Variants in NUP210 observed in about 807,000 individuals in gnomAD.
NUP210 encodes the protein nuclear pore membrane glycoprotein 210.
In NUP210, 151 loss-of-function variants were observed where a neutral mutation model predicts 196.0. The ratio of observed to expected loss-of-function variants is 0.77; its 90% CI spans 0.67 to 0.88. The LOEUF (loss-of-function observed/expected upper bound fraction) is 0.88, where lower values mean the gene tolerates loss of function less well. NUP210 is among the 40% of genes least tolerant of loss of function. The pLI is 0.00. For missense variants in NUP210, 2,314 were observed against 2,493.7 expected, an observed-to-expected ratio of 0.93 and a Z score of 1.53; for synonymous variants, 1,070 against 1,052.7, an observed-to-expected ratio of 1.02 and a Z score of -0.32.
chr3:13,362,863 C>T (rs1444691310), intron 14 of NUP210, among the ~76,000 whole-genome samples: 5 of 152,192 alleles, frequency 3.3e-5, no homozygotes, highest in South Asian at 2.1e-4. Context: ...GCCTGAGCGT[C>T]ACCTCCTCAG....
In NUP210 at chr3:13,367,087, T is replaced by C. The variant is rs534724449; in HGVS notation, c.1787-996A>G. Among the ~76,000 whole-genome samples, 19 of 151,388 alleles carry C rather than the reference T, an allele frequency of 1.3e-4. 1 individual carries two copies. In the East Asian group the frequency reaches 3.2e-3, roughly 25 times the overall value. On this transcript the variant is annotated intron_variant, in intron 13 of 39. Coordinates refer to ENST00000254508, the MANE Select transcript of NUP210 (RefSeq NM_024923.4). ...GTTGCAGTGAGCCGAAATCGCACCA[T>C]TGCACTCCAGCCTGGGCAATAAGAG...
At chr3:13,392,020 G>T (rs1315843018) in intron 3 of NUP210, among the ~76,000 whole-genome samples, 2 of 152,088 alleles carry the variant, frequency 1.3e-5, no homozygotes, top group African/African-American at 4.8e-5. Flanking sequence ...GCCAGAAGCT[G>T]CTCGCCCTCT....
chr3:13,383,444 G>T (rs753156787), intron 6 of NUP210, among the ~76,000 whole-genome samples: 2 of 150,442 alleles, frequency 1.3e-5, no homozygotes, highest in Non-Finnish European at 3.0e-5. Flanking sequence ...GACCAAGCTC[G>T]TAAGTTTTCT....
rs528747389 is a variant in NUP210, at chr3:13,347,732, G to A, written c.2835+4147C>T. On this transcript the variant is annotated intron_variant, in intron 20 of 39. Coordinates refer to ENST00000254508, the MANE Select transcript of NUP210 (RefSeq NM_024923.4). The surrounding 1 kb of genome is among the most constrained non-coding windows in gnomAD (Gnocchi z 4.7). ...ATCTCTGTGCTGCTGCTCTGCAGCT[G>A]GAAAAAGCCACAGCCACGAGTAGAC... 2.6e-5 allele frequency among the ~76,000 whole-genome samples: 4 copies of A among 152,210 alleles called. No individual in the cohort carries two copies. Among genetic ancestry groups the A allele is most frequent in the Admixed American group, 6.5e-5 (1 of 15,278 alleles).
At chr3:13,363,015 T>C (rs1310336767) in intron 14 of NUP210, among the ~76,000 whole-genome samples, 3 of 152,208 alleles carry the variant, frequency 2.0e-5, no homozygotes, top group African/African-American at 4.8e-5. Context: ...GTGAAGCTAG[T>C]GTGGGACCTT....
chr3:13,407,467 A>T (rs1700038201), intron 1 of NUP210, among the ~76,000 whole-genome samples: 1 of 152,138 alleles, frequency 6.6e-6, no homozygotes, highest in Admixed American at 6.5e-5. Context: ...GCCTGAATCA[A>T]AGATTCAGGC....
rs201187298 is a variant in NUP210, at chr3:13,340,068, C to T, written c.3292-35G>A. 6.5e-3 allele frequency: 10,503 copies of T among 1,607,440 alleles called. 118 individuals carry two copies. Among genetic ancestry groups the T allele is most frequent in the South Asian group, 0.042 (3,826 of 90,684 alleles). On this transcript the variant is annotated intron_variant, in intron 24 of 39. Coordinates refer to ENST00000254508, the MANE Select transcript of NUP210 (RefSeq NM_024923.4). This position sits in a 1 kb window ranked among gnomAD's most constrained non-coding sequence, Gnocchi z 4.0. ...GAGGAAACAGCGGCGTGTCAGTGCC[C>T]GTCATGCCAGGCAGCCCGCACCTCC...
At chr3:13,338,976 G>T (rs765277598) in intron 25 of NUP210, among the ~76,000 whole-genome samples, 5 of 152,114 alleles carry the variant, frequency 3.3e-5, no homozygotes, top group Admixed American at 1.3e-4. Flanking sequence ...AGCTCCTGAG[G>T]CTGCACTCCT....
chr3:13,328,722 G>A, intron 31 of NUP210, 49 bp downstream of exon 31: 1 of 1,533,362 alleles, frequency 6.5e-7, no homozygotes, highest in Non-Finnish European at 9.0e-7. Context: ...GTCTCTACCA[G>A]GTACCAGACA....
chr3:13,323,682 G>A lies in NUP210; in HGVS notation c.4645-250C>T, dbSNP rs1696630942. 6.6e-6 allele frequency among the ~76,000 whole-genome samples: 1 copy of A among 152,216 alleles called. No homozygotes were observed. On this transcript the variant is annotated intron_variant, in intron 33 of 39. Coordinates refer to ENST00000254508, the MANE Select transcript of NUP210 (RefSeq NM_024923.4). The surrounding 1 kb of genome is among the most constrained non-coding windows in gnomAD (Gnocchi z 4.3). ...TTCCCCCAGCAGCTGACTGGACGCTGAGCAGCGGGCCTGAATTCATTAATC... is the reference window on the plus strand; with the variant it reads ...TTCCCCCAGCAGCTGACTGGACGCTAAGCAGCGGGCCTGAATTCATTAATC...
In NUP210 at chr3:13,353,899, C is replaced by T. The variant is rs1698070763; in HGVS notation, c.2521+16G>A. The T allele has an allele frequency of 1.3e-6, 2 of 1,598,714 alleles. No individual in the cohort carries two copies. The highest frequency in any genetic ancestry group is 4.5e-5 in the East Asian group (2 of 44,714). On this transcript the variant is annotated intron_variant, in intron 17 of 39. Coordinates refer to ENST00000254508, the MANE Select transcript of NUP210 (RefSeq NM_024923.4). Reference sequence around the variant, plus strand: ...CTGTTCTCCTGCCTGGGCCATCAGGCTTGTGCCCAGCTCACCGTGCAGCTT... The same window carrying T: ...CTGTTCTCCTGCCTGGGCCATCAGGTTTGTGCCCAGCTCACCGTGCAGCTT...
At chr3:13,363,917 C>T (rs1698447930) in intron 14 of NUP210, among the ~76,000 whole-genome samples, 1 of 152,144 alleles carries the variant, frequency 6.6e-6, no homozygotes, top group Non-Finnish European at 1.5e-5. Flanking sequence ...CCCTGAAGAA[C>T]CCCTCTCCAG....
At position 13,319,167 on chromosome 3, in the gene NUP210, C is replaced by A; in HGVS notation, c.5480-12G>T. The A allele has an allele frequency of 6.2e-7, 1 of 1,611,486 alleles. No individual in the cohort carries two copies. The highest frequency in any genetic ancestry group is 8.5e-7 in the Non-Finnish European group (1 of 1,178,832). ...GACAGTGTGGTAGGCTGCAAGAGCA[C>A]AGGGTTGGTTAGAGCAGGTCGGGGC... On this transcript the variant is annotated splice_polypyrimidine_tract_variant and intron_variant, in intron 38 of 39. Coordinates refer to ENST00000254508, the MANE Select transcript of NUP210 (RefSeq NM_024923.4).
rs372920147 is a variant in NUP210 at position 13,351,926 on chromosome 3, C to T, written c.2788G>A (p.Ala930Thr). Residue 930 changes from alanine (A) to threonine (T), a missense_variant, in exon 20 of 40, where the codon GCA becomes ACA. Physicochemically the swap from Ala to Thr is moderately conservative, Grantham distance 58 (BLOSUM62 0). Transcript: ENST00000254508. Reference sequence around the variant, plus strand: ...TGGTAGGCCACCTTGACAACATCTGCGGTGCTGGTGTTGAGGAAGAAGTAA... The same window carrying T: ...TGGTAGGCCACCTTGACAACATCTGTGGTGCTGGTGTTGAGGAAGAAGTAA... ...SGYFFLNTST[A>T]DVVKVAYQEA... The T allele has an allele frequency of 1.7e-5, 28 of 1,613,664 alleles. No individual in the cohort carries two copies. The highest frequency in any genetic ancestry group is 6.7e-5 in the East Asian group (3 of 44,888).
At chr3:13,409,117 T>TG (rs1700084746) in intron 1 of NUP210, among the ~76,000 whole-genome samples, 1 of 152,214 alleles carries the variant, frequency 6.6e-6, no homozygotes, top group South Asian at 2.1e-4. Context: ...AGCTGACCTG[T>TG]GAGTGCCATT....
In NUP210 at chr3:13,319,927, C is replaced by A. The variant is rs1400824478; in HGVS notation, c.5219G>T (p.Gly1740Val). The A allele has an allele frequency of 1.2e-6, 2 of 1,614,056 alleles. No homozygotes were observed. The highest frequency in any genetic ancestry group is 3.3e-5 in the Admixed American group (2 of 60,012). ...VLAFAKEKSF[G>V]WPSFITYTVG... Reference sequence around the variant, plus strand: ...CGTGTATGTGATGAAGCTGGGCCACCCAAAAGACTTCTCCTTTGCGAATGC... The same window carrying A: ...CGTGTATGTGATGAAGCTGGGCCACACAAAAGACTTCTCCTTTGCGAATGC... The change falls in exon 37 of 40, where the codon GGG (glycine) becomes GTG (valine). Residue 1740 changes from glycine (G) to valine (V), a missense_variant. Transcript: ENST00000254508.
intron 6 of NUP210, among the ~76,000 whole-genome samples, chr3:13,385,038 T>C (rs946760534): frequency 3.9e-5 from 6 of 152,196 alleles, no homozygotes; most frequent in Non-Finnish European, 7.3e-5. Context: ...AACATGAGTT[T>C]GCTTCTCTTC....
intron 6 of NUP210, among the ~76,000 whole-genome samples, chr3:13,385,335 G>A (rs935417155): frequency 2.0e-5 from 3 of 152,192 alleles, no homozygotes; most frequent in Non-Finnish European, 2.9e-5. Context: ...TGAGGCCCTC[G>A]GATGGACTGG....
Position 13,371,792 on chromosome 3 carries a change from C to T in NUP210, c.1786+42G>A, listed in dbSNP as rs1015673592. Reference sequence around the variant, plus strand: ...TGCTGAGAACCCAGACAATCTGGCCCCAATCCCAGTATCTGGCACCTGCTC... The same window carrying T: ...TGCTGAGAACCCAGACAATCTGGCCTCAATCCCAGTATCTGGCACCTGCTC... On this transcript the variant is annotated intron_variant, in intron 13 of 39. Coordinates refer to ENST00000254508, the MANE Select transcript of NUP210 (RefSeq NM_024923.4). 1.9e-6 allele frequency: 3 copies of T among 1,545,780 alleles called. No individual in the cohort carries two copies. In the African/African-American group the frequency reaches 4.1e-5, roughly 21 times the overall value.
Sources: allele counts gnomAD v4.1 joint callset (sites outside exome capture counted in the v4.1 genomes callset), GRCh38; gene constraint gnomAD v4.1.1; non-coding constraint Gnocchi (gnomAD v3.1); transcripts MANE v1.5; gene names NCBI Gene and HGNC (gene_info 2026-07-23, HGNC 2026-07-21).